The following VAV3 variants were observed in gnomAD, a reference collection of about 807,000 sequenced individuals.
The protein encoded by VAV3 is vav guanine nucleotide exchange factor 3, also known as guanine nucleotide exchange factor VAV3.
In VAV3, 94 loss-of-function variants were observed where a neutral mutation model predicts 131.2. That is an observed-to-expected ratio of 0.72 (90% confidence interval 0.61 to 0.85). The LOEUF (loss-of-function observed/expected upper bound fraction) is 0.85, where lower values mean the gene tolerates loss of function less well. VAV3 is among the 40% of genes least tolerant of loss of function. The probability of loss-of-function intolerance (pLI) is 0.00; values close to 1 mark genes in which losing one functional copy is unlikely to be tolerated. For synonymous variants in VAV3, 349 were observed against 342.0 expected, an observed-to-expected ratio of 1.02 and a Z score of -0.22; for missense variants, 939 against 1,002.7, an observed-to-expected ratio of 0.94 and a Z score of 0.86.
chr1:107,719,171 C>T (rs1661323368), intron 15 of VAV3, among the ~76,000 whole-genome samples: 1 of 152,122 alleles, frequency 6.6e-6, no homozygotes, highest in South Asian at 2.1e-4. Context: ...ACTAAAACAC[C>T]AAAAGCAATG....
chr1:107,942,553 G>A (rs543191470), intron 1 of VAV3, among the ~76,000 whole-genome samples: 10 of 152,144 alleles, frequency 6.6e-5, no homozygotes, highest in Admixed American at 5.2e-4. Context: ...TTTTATATCT[G>A]TGTATCCTGA....
At chr1:107,602,361 A>G in intron 24 of VAV3, 36 bp downstream of exon 24, 1 of 1,406,468 alleles carries the variant, frequency 7.1e-7, no homozygotes. Flanking sequence ...AAGAAAAATA[A>G]GGATCCCAGA....
chr1:107,603,423 G>A (rs72703511), intron 22 of VAV3, among the ~76,000 whole-genome samples: 1 of 152,266 alleles, frequency 6.6e-6, no homozygotes, highest in Non-Finnish European at 1.5e-5. Context: ...GGGACACAGA[G>A]GAGTCAGTGG....
chr1:107,619,669 A>G (rs1218967810), intron 20 of VAV3, among the ~76,000 whole-genome samples: 1 of 152,168 alleles, frequency 6.6e-6, no homozygotes, highest in African/African-American at 2.4e-5. Context: ...CCAAAGAGAG[A>G]GCTCTGTAAT....
chr1:107,696,005 C>A (rs983737120), intron 17 of VAV3, among the ~76,000 whole-genome samples: 1 of 152,136 alleles, frequency 6.6e-6, no homozygotes, highest in Non-Finnish European at 1.5e-5. Flanking sequence ...CATGCTCCCC[C>A]TCTTAAATTT....
chr1:107,675,784 T>C (rs1344706526), intron 19 of VAV3, among the ~76,000 whole-genome samples: 6 of 152,008 alleles, frequency 3.9e-5, no homozygotes, highest in East Asian at 3.9e-4. Context: ...TAGATAACAG[T>C]AGAAAAAAGG....
chr1:107,585,879 C>T (rs1327220516), intron 25 of VAV3, among the ~76,000 whole-genome samples: 1 of 152,166 alleles, frequency 6.6e-6, no homozygotes, highest in Non-Finnish European at 1.5e-5. Context: ...TATGTATTGA[C>T]AGGATATTTA....
In VAV3 at chr1:107,829,371, C is replaced by T. The variant is rs140962227; in HGVS notation, c.321+45530G>A. On this transcript the variant is annotated intron_variant, in intron 2 of 26. Transcript: ENST00000370056. ...TCCTCTCCTAGCTGCATTCTGTCAGCAAGCCATGTAAAAATACAAAGTCAT... is the reference window on the plus strand; with the variant it reads ...TCCTCTCCTAGCTGCATTCTGTCAGTAAGCCATGTAAAAATACAAAGTCAT... Among the ~76,000 whole-genome samples the T allele has an allele frequency of 2.2e-3, 333 of 152,226 alleles. 2 individuals carry two copies. Among genetic ancestry groups the T allele is most frequent in the African/African-American group, 7.7e-3 (319 of 41,542 alleles).
chr1:107,874,862 TCCAGTTAAA>T, intron 2 of VAV3, 30 bp downstream of exon 2: 2 of 1,558,224 alleles, frequency 1.3e-6, no homozygotes, highest in Non-Finnish European at 1.8e-6. Context: ...TTAAATGCTT[TCCAGTTAAA>T]AAGTAGTGTT....
At chr1:107,831,140 T>C (rs1410603189) in intron 2 of VAV3, among the ~76,000 whole-genome samples, 1 of 152,058 alleles carries the variant, frequency 6.6e-6, no homozygotes, top group Admixed American at 6.6e-5. Context: ...AGGTAAATGA[T>C]AGCAAAAATT....
chr1:107,720,510 G>A (rs955077113), intron 15 of VAV3, among the ~76,000 whole-genome samples: 3 of 147,310 alleles, frequency 2.0e-5, no homozygotes, highest in East Asian at 2.0e-4. Flanking sequence ...GAAACCCCGT[G>A]TCTACTAAAA....
intron 2 of VAV3, among the ~76,000 whole-genome samples, chr1:107,861,786 G>A (rs1019697452): frequency 2.6e-5 from 4 of 151,570 alleles, no homozygotes; most frequent in African/African-American, 9.7e-5. Context: ...TGCTTACTCA[G>A]AAGCAGCAAG....
chr1:107,574,963 C>CTCTGTGTGTGTGTGTGTGTGTG (rs1304869776), intron 25 of VAV3, among the ~76,000 whole-genome samples: 3 of 81,114 alleles, frequency 3.7e-5, no homozygotes, highest in African/African-American at 9.0e-5. Context: ...TTGAGTTTCT[C>CTCTGTGTGTGTGTGTGTGTGTG]TGTGTGTGTG....
chr1:107,751,765 A>G (rs1239064242), intron 12 of VAV3, among the ~76,000 whole-genome samples: 1 of 152,206 alleles, frequency 6.6e-6, no homozygotes, highest in East Asian at 1.9e-4. Flanking sequence ...TTAATTATTT[A>G]AAATAATGAG....
chr1:107,574,963 C>CTCTT (rs1304869776), intron 25 of VAV3, among the ~76,000 whole-genome samples: 1 of 81,114 alleles, frequency 1.2e-5, no homozygotes, highest in Non-Finnish European at 2.5e-5. Context: ...TTGAGTTTCT[C>CTCTT]TGTGTGTGTG....
intron 1 of VAV3, among the ~76,000 whole-genome samples, chr1:107,937,401 T>C (rs1673774506): frequency 6.6e-6 from 1 of 152,208 alleles, no homozygotes; most frequent in Non-Finnish European, 1.5e-5. Flanking sequence ...AAACCAAACT[T>C]CCATCTCTGC....
chr1:107,874,807 A>G (rs1670412960), intron 2 of VAV3, 94 bp downstream of exon 2: 1 of 1,121,906 alleles, frequency 8.9e-7, no homozygotes. Flanking sequence ...AGATACATAA[A>G]CCACTTAAGT....
rs1664734365 is a variant in VAV3, at chr1:107,766,371, T to G, written c.821+76A>C. 5 of 933,970 alleles carry G rather than the reference T, an allele frequency of 5.4e-6. No individual in the cohort carries two copies. The South Asian group carries it at 7.7e-5, about 14-fold the overall frequency. 57.9% of individuals were successfully genotyped at this position (933,970 alleles called of 1,614,324 possible). ...ATGTAATAAACAGCAGTAATAGCTA[T>G]TTGTTAGCTATTTTAATACTAATCC... On this transcript the variant is annotated intron_variant, in intron 8 of 26. Coordinates refer to ENST00000370056, the MANE Select transcript of VAV3 (RefSeq NM_006113.5).
In VAV3 at chr1:107,749,569, C is replaced by T; in HGVS notation, c.1285G>A (p.Val429Met). The change falls in exon 14 of 27, where the codon GTG becomes ATG. Residue 429 changes from valine to methionine, a missense_variant. Physicochemically the swap from Val to Met is conservative, Grantham distance 21. Coordinates refer to ENST00000370056, the MANE Select transcript of VAV3 (RefSeq NM_006113.5). ...TCACCTTTTCTCTTACATACGATCA[C>T]TGCCAAATCAAATAAGAAGATATGC... ...ERHIFLFDLA[V>M]IVCKRKGDNY... 1 of 1,611,186 alleles carries T rather than the reference C, an allele frequency of 6.2e-7. No homozygotes were observed. Among genetic ancestry groups the T allele is most frequent in the Non-Finnish European group, 8.5e-7 (1 of 1,179,142 alleles).
Sources: allele counts gnomAD v4.1 joint callset (sites outside exome capture counted in the v4.1 genomes callset), GRCh38; gene constraint gnomAD v4.1.1; transcripts MANE v1.5; gene names NCBI Gene and HGNC (gene_info 2026-07-23, HGNC 2026-07-21).